The following ZNF654 variants were observed in gnomAD, a reference collection of about 807,000 sequenced individuals.
The protein encoded by ZNF654 is zinc finger protein 654.
In ZNF654, 19 loss-of-function variants were observed where a neutral mutation model predicts 95.3. That is an observed-to-expected ratio of 0.20 (90% CI 0.14 to 0.29). The LOEUF (loss-of-function observed/expected upper bound fraction) is 0.29. ZNF654 is among the 10% of genes least tolerant of loss of function. The pLI is 1.00. For missense variants in ZNF654, 1,046 were observed against 1,341.0 expected, an observed-to-expected ratio of 0.78 and a Z score of 3.44; for synonymous variants, 413 against 457.9, an observed-to-expected ratio of 0.90 and a Z score of 1.25.
intron 4 of ZNF654, among the ~76,000 whole-genome samples, chr3:88,127,559 A>T (rs927835808): frequency 6.6e-6 from 1 of 152,156 alleles, no homozygotes; most frequent in Admixed American, 6.6e-5. Flanking sequence ...AGAGGAAATT[A>T]TGAGGAGACT....
Position 88,082,790 on chromosome 3 carries a change from G to A in ZNF654, c.187-3467G>A, listed in dbSNP as rs1465578175. ...GATCACTTTATATGTTTAAATAGTT[G>A]TGTATTACTTAGGCTGCCATAGGAA... On this transcript the variant is annotated intron_variant, in intron 1 of 8. Coordinates refer to ENST00000636215, the MANE Select transcript of ZNF654 (RefSeq NM_001350134.2). 2.0e-5 allele frequency among the ~76,000 whole-genome samples: 3 copies of A among 152,162 alleles called. No homozygotes were observed. In the East Asian group the frequency reaches 5.8e-4, roughly 29 times the overall value.
chr3:88,085,705 CA>C (rs1164521773), intron 1 of ZNF654, among the ~76,000 whole-genome samples: 1 of 152,108 alleles, frequency 6.6e-6, no homozygotes, highest in Non-Finnish European at 1.5e-5. Flanking sequence ...TTGACCTACC[CA>C]GATTCATAAA....
At chr3:88,100,205 C>A (rs1704325366) in intron 2 of ZNF654, among the ~76,000 whole-genome samples, 1 of 152,062 alleles carries the variant, frequency 6.6e-6, no homozygotes, top group Non-Finnish European at 1.5e-5. Flanking sequence ...ATTTATGCAG[C>A]CAACAGACAT....
chr3:88,063,058 G>A (rs911838420), intron 1 of ZNF654, among the ~76,000 whole-genome samples: 4 of 152,160 alleles, frequency 2.6e-5, no homozygotes, highest in African/African-American at 9.7e-5. Context: ...CAACTGTGGC[G>A]GGGTTCTCAG....
intron 1 of ZNF654, among the ~76,000 whole-genome samples, chr3:88,077,017 G>C (rs1707841244): frequency 6.6e-6 from 1 of 152,164 alleles, no homozygotes; most frequent in African/African-American, 2.4e-5. Context: ...CTTCCCTGGA[G>C]TAAAAGAATT....
chr3:88,074,729 T>C (rs1707707157), intron 1 of ZNF654, among the ~76,000 whole-genome samples: 1 of 152,196 alleles, frequency 6.6e-6, no homozygotes, highest in Non-Finnish European at 1.5e-5. Flanking sequence ...TTTAGAAATA[T>C]ACTAATATTT....
intron 2 of ZNF654, among the ~76,000 whole-genome samples, chr3:88,103,077 A>C (rs1457692848): frequency 6.6e-6 from 1 of 152,076 alleles, no homozygotes; most frequent in Non-Finnish European, 1.5e-5. Context: ...CACATGTGTT[A>C]TTTGGTTTTC....
chr3:88,132,108 ACT>A (rs1270132969), intron 6 of ZNF654, among the ~76,000 whole-genome samples: 1 of 152,186 alleles, frequency 6.6e-6, no homozygotes, highest in Non-Finnish European at 1.5e-5. Flanking sequence ...TGGAAATAAT[ACT>A]GTGTTCAAGC....
intron 1 of ZNF654, among the ~76,000 whole-genome samples, chr3:88,072,585 C>G (rs4368523): frequency 0.78 from 119,161 of 152,100 alleles, 47,601 homozygotes; most frequent in South Asian, 0.91. Flanking sequence ...GTGGGATCCT[C>G]CACAGATAGA....
At position 88,129,713 on chromosome 3, in the gene ZNF654, TG is replaced by T; in HGVS notation, c.782del (p.Gly261GlufsTer16). The T allele has an allele frequency of 6.6e-7, 1 of 1,507,330 alleles. No individual in the cohort carries two copies. The highest frequency in any genetic ancestry group is 1.2e-5 in the South Asian group (1 of 80,252). 93.4% of individuals were successfully genotyped at this position (1,507,330 alleles called of 1,614,324 possible). On this transcript the variant is annotated frameshift_variant, in exon 6 of 9. Transcript: ENST00000636215. LOFTEE classifies it high-confidence loss of function. Reference protein sequence around the residue: ...EHLLKTDCKSGIDIICNAEKE... With the variant: ...EHLLKTDCKSXIDIICNAEKE... ...ATTTATTGAAAACTGATTGTAAGAG[TG>T]GAATTGATATCATCTGTAATGCTGA...
intron 3 of ZNF654, among the ~76,000 whole-genome samples, chr3:88,118,596 G>A (rs1190374535): frequency 1.3e-5 from 2 of 152,132 alleles, no homozygotes; most frequent in South Asian, 2.1e-4. Context: ...CTTCTCTAGA[G>A]TACTTGGAAT....
At chr3:88,126,638 A>G (rs1192632426) in intron 4 of ZNF654, among the ~76,000 whole-genome samples, 1 of 136,842 alleles carries the variant, frequency 7.3e-6, no homozygotes, top group Non-Finnish European at 1.5e-5. Context: ...ATGAAAGCAC[A>G]TGGAATCTCA....
chr3:88,088,693 A>G (rs1280185868), intron 2 of ZNF654, among the ~76,000 whole-genome samples: 1 of 150,540 alleles, frequency 6.6e-6, no homozygotes, highest in Non-Finnish European at 1.5e-5. Flanking sequence ...AGAGTTTAGA[A>G]TATATTATTT....
chr3:88,064,212 T>A (rs971289851), intron 1 of ZNF654, among the ~76,000 whole-genome samples: 5 of 152,052 alleles, frequency 3.3e-5, no homozygotes, highest in African/African-American at 9.7e-5. Flanking sequence ...TGGCAACTCT[T>A]TCAGTTTTGA....
chr3:88,065,643 T>C (rs1165453309), intron 1 of ZNF654, among the ~76,000 whole-genome samples: 1 of 152,160 alleles, frequency 6.6e-6, no homozygotes, highest in Non-Finnish European at 1.5e-5. Flanking sequence ...TTTTTAAAAA[T>C]TAAACCTACT....
intron 3 of ZNF654, among the ~76,000 whole-genome samples, chr3:88,116,526 A>G (rs1221194256): frequency 1.4e-5 from 2 of 145,526 alleles, no homozygotes; most frequent in South Asian, 2.3e-4. Context: ...CTCTGTCTCA[A>G]AAGAAAAAAA....
chr3:88,084,683 GT>G (rs1473908072), intron 1 of ZNF654, among the ~76,000 whole-genome samples: 2 of 152,184 alleles, frequency 1.3e-5, no homozygotes, highest in Non-Finnish European at 2.9e-5. Flanking sequence ...TTTTATCCAA[GT>G]TTGCCTGCCA....
rs1441581538 is a variant in ZNF654, at chr3:88,143,987, T to C, written c.*2335T>C. 1 of 152,342 alleles carries C rather than the reference T, an allele frequency of 6.6e-6. No homozygotes were observed. Among genetic ancestry groups the C allele is most frequent in the Non-Finnish European group, 1.5e-5 (1 of 67,812 alleles). The allele number at this position is 152,342 out of a possible 1,614,324, so 9.4% of individuals were successfully genotyped here. A position where few individuals can be genotyped will look rare whatever the true frequency, so the allele number is the denominator to read the frequency against. Reference sequence around the variant, plus strand: ...AGAAGAAAAGGAAGCTTGCTTCTTATTCCTCAGATTCTTCTTTTTTTCTGT... The same window carrying C: ...AGAAGAAAAGGAAGCTTGCTTCTTACTCCTCAGATTCTTCTTTTTTTCTGT... On this transcript the variant is annotated 3_prime_UTR_variant, in exon 9 of 9. Coordinates refer to ENST00000636215, the MANE Select transcript of ZNF654 (RefSeq NM_001350134.2).
At chr3:88,097,923 C>G (rs925953355) in intron 2 of ZNF654, among the ~76,000 whole-genome samples, 25 of 152,212 alleles carry the variant, frequency 1.6e-4, no homozygotes, top group African/African-American at 5.3e-4. Flanking sequence ...ATTAAAAGTA[C>G]TAGAGAAGCA....
Sources: allele counts gnomAD v4.1 joint callset (sites outside exome capture counted in the v4.1 genomes callset), GRCh38; gene constraint gnomAD v4.1.1; transcripts MANE v1.5; gene names NCBI Gene and HGNC (gene_info 2026-07-23, HGNC 2026-07-21).